Variants in CALM2 observed in about 807,000 individuals in gnomAD.
The protein encoded by CALM2 is calmodulin 2, also known as calmodulin-2.
A neutral mutation model predicts 19.8 loss-of-function variants in CALM2; 2 were observed. The ratio of observed to expected loss-of-function variants is 0.10; its 90% CI spans 0.04 to 0.32. CALM2 has a LOEUF of 0.32. Among genes scored for constraint, CALM2 ranks in the 10% least tolerant of loss-of-function variants. The pLI is 1.00. For synonymous variants in CALM2, 51 were observed against 52.1 expected, an observed-to-expected ratio of 0.98 and a Z score of 0.09; for missense variants, 38 against 178.7, an observed-to-expected ratio of 0.21 and a Z score of 4.49.
chr2:47,162,469 T>C, intron 3 of CALM2, 50 bp downstream of exon 3: 1 of 1,611,806 alleles, frequency 6.2e-7, no homozygotes, highest in African/African-American at 1.3e-5. Flanking sequence ...TGGAAACATC[T>C]AAGTATCACT....
chr2:47,164,179 A>C (rs1181337166), intron 2 of CALM2, among the ~76,000 whole-genome samples: 3 of 149,482 alleles, frequency 2.0e-5, no homozygotes, highest in African/African-American at 5.0e-5. Flanking sequence ...CAGAGCTTGC[A>C]GTGAGCTGAT....
intron 5 of CALM2, among the ~76,000 whole-genome samples, chr2:47,161,160 C>G (rs1687141496): frequency 6.6e-6 from 1 of 152,090 alleles, no homozygotes; most frequent in African/African-American, 2.4e-5. Flanking sequence ...ACATTTTATG[C>G]TCTTTTCTAA....
intron 4 of CALM2, among the ~76,000 whole-genome samples, 167 bp downstream of exon 4, chr2:47,162,119 C>T (rs570365520): frequency 4.9e-4 from 61 of 125,254 alleles, no homozygotes; most frequent in Non-Finnish European, 6.3e-4. Context: ...AAAGTCTATA[C>T]TGAATTCTTA....
Position 47,160,095 on chromosome 2 carries a change from C to T in CALM2, c.*681G>A, listed in dbSNP as rs1687110018. 1 of 152,416 alleles carries T rather than the reference C, an allele frequency of 6.6e-6. No individual in the cohort carries two copies. The highest frequency in any genetic ancestry group is 1.5e-5 in the Non-Finnish European group (1 of 68,034). The allele number at this position is 152,416 out of a possible 1,614,324, so 9.4% of individuals were successfully genotyped here. ...TTATCTAGACTATACCAAGCAGAAA[C>T]CAATGCCATATTTTATTTTCAAAAT... On this transcript the variant is annotated 3_prime_UTR_variant, in exon 6 of 6. Transcript: ENST00000272298.
At chr2:47,162,191 A>AAAAAAAAAAAAAAC in intron 4 of CALM2, 95 bp downstream of exon 4, 1 of 485,224 alleles carries the variant, frequency 2.1e-6, no homozygotes, top group Non-Finnish European at 3.5e-6. Context: ...AAAAAAAAAA[A>AAAAAAAAAAAAAAC]AAAAAAAAAC....
At chr2:47,164,245 A>G (rs1666377056) in intron 2 of CALM2, among the ~76,000 whole-genome samples, 1 of 78,414 alleles carries the variant, frequency 1.3e-5, no homozygotes, top group African/African-American at 3.0e-5. Context: ...CTCAAAAAAA[A>G]AAAAAAAGAA....
chr2:47,170,654 T>C (rs1157918810), intron 2 of CALM2, 80 bp downstream of exon 2: 4 of 1,066,110 alleles, frequency 3.8e-6, no homozygotes, highest in African/African-American at 3.1e-5. Flanking sequence ...AATTATTTCA[T>C]ACAAGTCTCT....
chr2:47,162,852 C>A (rs868740056), intron 2 of CALM2, 190 bp from the exon 3 acceptor site: 4 of 500,222 alleles, frequency 8.0e-6, no homozygotes, highest in Middle Eastern at 3.7e-4. Flanking sequence ...CGGAAAAATA[C>A]CAATGGAGGT....
At chr2:47,170,800 A>G (rs750761541) in intron 1 of CALM2, 36 bp from the exon 2 acceptor site, 7 of 1,571,604 alleles carry the variant, frequency 4.5e-6, no homozygotes, top group Non-Finnish European at 5.3e-6. Flanking sequence ...TAGTGACTTG[A>G]GAGTATGTAG....
chr2:47,172,422 G>T (rs551625913), intron 1 of CALM2: 3 of 746,024 alleles, frequency 4.0e-6, no homozygotes, highest in African/African-American at 1.8e-5. Context: ...ACCTTGCAGG[G>T]TTGTTGTGCA....
chr2:47,174,020 T>C (rs1258317016), intron 1 of CALM2: 1 of 152,216 alleles, frequency 6.6e-6, no homozygotes, highest in Non-Finnish European at 1.5e-5. Context: ...TTTGATCTTC[T>C]GAGCCTAACA....
At chr2:47,173,874 G>A (rs981383301) in intron 1 of CALM2, 1 of 152,172 alleles carries the variant, frequency 6.6e-6, no homozygotes, top group African/African-American at 2.4e-5. Context: ...ACCTAATTCT[G>A]AAGAATAGTA....
At chr2:47,176,550 C>G (rs1333475148), upstream of CALM2, 5 of 1,561,578 alleles carry the variant, frequency 3.2e-6, no homozygotes, top group African/African-American at 5.5e-5. Flanking sequence ...ATAAACACCT[C>G]CCTCCGCCAG....
chr2:47,171,912 G>C (rs1420214778), intron 1 of CALM2: 1 of 146,686 alleles, frequency 6.8e-6, no homozygotes, highest in African/African-American at 2.5e-5. Flanking sequence ...AATTCAAGAA[G>C]GAATCCAGAA....
chr2:47,170,634 T>C, intron 2 of CALM2, 100 bp downstream of exon 2: 4 of 936,664 alleles, frequency 4.3e-6, no homozygotes, highest in Middle Eastern at 2.1e-4. Flanking sequence ...CCATGACATA[T>C]ACCAAAGTCA....
At chr2:47,165,674 A>G (rs1436935943) in intron 2 of CALM2, among the ~76,000 whole-genome samples, 1 of 152,154 alleles carries the variant, frequency 6.6e-6, no homozygotes, top group Non-Finnish European at 1.5e-5. Context: ...CACTTCATCT[A>G]TACCCACTTA....
chr2:47,161,631 G>GGGA, intron 5 of CALM2, 92 bp downstream of exon 5: 5 of 1,200,762 alleles, frequency 4.2e-6, no homozygotes, highest in Non-Finnish European at 5.9e-6. Context: ...AATTTCAGGG[G>GGGA]AAGGGTCACT....
intron 1 of CALM2, chr2:47,173,024 A>G (rs1666728426): frequency 6.6e-6 from 1 of 152,236 alleles, no homozygotes; most frequent in African/African-American, 2.4e-5. Flanking sequence ...GCTTCAAGGA[A>G]TGAATTAAGC....
At chr2:47,165,100 T>C (rs1324605736) in intron 2 of CALM2, among the ~76,000 whole-genome samples, 1 of 152,258 alleles carries the variant, frequency 6.6e-6, no homozygotes. Flanking sequence ...CAATCCACTA[T>C]TTTAAAATGA....
Sources: gnomAD v4.1 joint callset for allele counts (sites outside exome capture counted in the v4.1 genomes callset) on GRCh38, gnomAD v4.1.1 for gene constraint, MANE v1.5 for transcripts, NCBI Gene and HGNC (gene_info 2026-07-23, HGNC 2026-07-21) for gene names.